Variants in PTPRT observed in about 807,000 individuals in gnomAD.
The protein encoded by PTPRT is receptor-type tyrosine-protein phosphatase T.
PTPRT carries 56 observed loss-of-function variants against 176.8 expected under a neutral mutation model. The observed-to-expected ratio is 0.32, with a 90% confidence interval of 0.26 to 0.40. The LOEUF (loss-of-function observed/expected upper bound fraction) is 0.40. PTPRT is among the 10% of genes least tolerant of loss of function. The pLI is 1.00. For missense variants in PTPRT, 1,540 were observed against 1,908.2 expected (o/e 0.81, Z 3.60); for synonymous variants, 783 against 739.0 (o/e 1.06, Z -0.96).
At chr20:42,215,720 C>A (rs1217138593) in intron 15 of PTPRT, among the ~76,000 whole-genome samples, 2 of 152,218 alleles carry the variant, frequency 1.3e-5, no homozygotes. Context: ...ATCTTGGATT[C>A]TCTGGCTGGA....
At position 42,649,062 on chromosome 20, in the gene PTPRT, G is replaced by A. The variant is rs142142830; in HGVS notation, c.1153+28804C>T. 2.2e-3 allele frequency among the ~76,000 whole-genome samples: 332 copies of A among 151,928 alleles called. 1 individual carries two copies. Among genetic ancestry groups the A allele is most frequent in the African/African-American group, 7.3e-3 (303 of 41,388 alleles). ...TCTCAATCTCATGACCTTGTGATCC[G>A]CCCACCTCGGCCTCCCAAAGTGCTA... On this transcript the variant is annotated intron_variant, in intron 7 of 30. Coordinates refer to ENST00000373187, the MANE Select transcript of PTPRT (RefSeq NM_007050.6).
At chr20:42,433,633 GA>G (rs780624401) in intron 9 of PTPRT, among the ~76,000 whole-genome samples, 8 of 152,138 alleles carry the variant, frequency 5.3e-5, no homozygotes, top group Admixed American at 3.3e-4. Flanking sequence ...TAAGCAAACT[GA>G]AATTCAAGTT....
At chr20:42,769,413 T>C (rs2077030899) in intron 5 of PTPRT, among the ~76,000 whole-genome samples, 1 of 152,196 alleles carries the variant, frequency 6.6e-6, no homozygotes. Flanking sequence ...AAATTAAAAC[T>C]ATAACGTGCT....
chr20:42,877,833 T>C (rs1166426548), intron 2 of PTPRT, among the ~76,000 whole-genome samples: 1 of 152,142 alleles, frequency 6.6e-6, no homozygotes, highest in Non-Finnish European at 1.5e-5. Context: ...TTCGACAATA[T>C]TTCCAACACT....
chr20:42,536,960 T>C (rs984550992), intron 7 of PTPRT, among the ~76,000 whole-genome samples: 2 of 152,148 alleles, frequency 1.3e-5, no homozygotes, highest in African/African-American at 2.4e-5. Context: ...TAAATGTCTA[T>C]TGATGAACTA....
In PTPRT at chr20:42,761,434, C is replaced by CA. The variant is rs200687081; in HGVS notation, c.685-4799dup. Reference sequence around the variant, plus strand: ...GGGCAATAAGAGAGAAATTCCATCTCAAAAAAAAAAAAATAAAACAAATAA... The same window carrying CA: ...GGGCAATAAGAGAGAAATTCCATCTCAAAAAAAAAAAAAATAAAACAAATAA... On this transcript the variant is annotated intron_variant, in intron 5 of 30. Coordinates refer to ENST00000373187, the MANE Select transcript of PTPRT (RefSeq NM_007050.6). 4.2e-3 allele frequency among the ~76,000 whole-genome samples: 577 copies of CA among 137,620 alleles called. 7 individuals are homozygous for CA. The highest frequency in any genetic ancestry group is 0.03 in the East Asian group (143 of 4,700). The allele number at this position is 137,620 out of a possible 152,430, so 90.3% of individuals were successfully genotyped here.
chr20:42,118,230 G>A (rs1381434451), intron 21 of PTPRT, among the ~76,000 whole-genome samples, 173 bp downstream of exon 21: 1 of 152,204 alleles, frequency 6.6e-6, no homozygotes, highest in Non-Finnish European at 1.5e-5. Context: ...AAGGGGATTT[G>A]AAGGGAAAGG....
intron 16 of PTPRT, among the ~76,000 whole-genome samples, chr20:42,176,042 T>C (rs541550808): frequency 2.6e-5 from 4 of 152,270 alleles, no homozygotes; most frequent in Admixed American, 2.0e-4. Context: ...TGAATTACTA[T>C]AGTTATTGAA....
chr20:42,396,764 G>A (rs1433287497), intron 9 of PTPRT, among the ~76,000 whole-genome samples: 4 of 152,126 alleles, frequency 2.6e-5, no homozygotes, highest in Non-Finnish European at 4.4e-5. Context: ...GTTTCACCAT[G>A]TTGGCCAGGC....
chr20:42,626,038 C>T (rs1037526589), intron 7 of PTPRT, among the ~76,000 whole-genome samples: 4 of 151,936 alleles, frequency 2.6e-5, no homozygotes, highest in African/African-American at 9.7e-5. Context: ...TGTCTTGATG[C>T]TAAACACTTT....
chr20:42,683,939 C>G (rs192166096), intron 6 of PTPRT, among the ~76,000 whole-genome samples: 1 of 152,216 alleles, frequency 6.6e-6, no homozygotes, highest in South Asian at 2.1e-4. Flanking sequence ...AATGACTACC[C>G]TAACAGTGAG....
chr20:42,711,507 C>T, intron 6 of PTPRT, among the ~76,000 whole-genome samples: 1 of 152,132 alleles, frequency 6.6e-6, no homozygotes, highest in Admixed American at 6.6e-5. Flanking sequence ...AATGGTTTCC[C>T]TTTGCCTTCC....
At chr20:42,286,741 A>T (rs1469368898) in intron 12 of PTPRT, among the ~76,000 whole-genome samples, 2 of 151,956 alleles carry the variant, frequency 1.3e-5, no homozygotes, top group Admixed American at 6.6e-5. Flanking sequence ...AAAAATAAAC[A>T]AGTGGGATTA....
chr20:43,009,286 G>A (rs1388977835), intron 1 of PTPRT, among the ~76,000 whole-genome samples: 1 of 152,072 alleles, frequency 6.6e-6, no homozygotes, highest in African/African-American at 2.4e-5. Flanking sequence ...CTGACATATC[G>A]TTGCATCCCC....
Position 42,076,760 on chromosome 20 carries a change from C to T in PTPRT, c.*4119G>A, listed in dbSNP as rs542665113. 56 of 201,762 alleles carry T rather than the reference C, an allele frequency of 2.8e-4. No individual in the cohort carries two copies. The highest frequency in any genetic ancestry group is 1.3e-3 in the African/African-American group (55 of 43,500). 12.5% of individuals were successfully genotyped at this position (201,762 alleles called of 1,614,324 possible). A position where few individuals can be genotyped will look rare whatever the true frequency, so the allele number is the denominator to read the frequency against. ...TTTTTTTTTGAAATATTCATAGAGTCATATTAAAACCAACAAGGCTAAATC... is the reference window on the plus strand; with the variant it reads ...TTTTTTTTTGAAATATTCATAGAGTTATATTAAAACCAACAAGGCTAAATC... On this transcript the variant is annotated 3_prime_UTR_variant, in exon 31 of 31. Transcript: ENST00000373187.
chr20:42,854,783 G>C (rs1195939224), intron 2 of PTPRT, among the ~76,000 whole-genome samples: 1 of 152,230 alleles, frequency 6.6e-6, no homozygotes. Context: ...GCCCAGAGCA[G>C]CAGCTGGGCA....
chr20:42,957,144 G>A (rs1009398269), intron 1 of PTPRT, among the ~76,000 whole-genome samples: 1 of 152,010 alleles, frequency 6.6e-6, no homozygotes, highest in Non-Finnish European at 1.5e-5. Flanking sequence ...TGAGCATGCC[G>A]GAACTCCCCA....
chr20:42,507,304 G>A (rs1370151712), intron 7 of PTPRT, among the ~76,000 whole-genome samples: 2 of 152,116 alleles, frequency 1.3e-5, no homozygotes, highest in South Asian at 4.1e-4. Flanking sequence ...CCAAGCTGAT[G>A]AAGCAGATGC....
intron 6 of PTPRT, among the ~76,000 whole-genome samples, chr20:42,711,690 A>G (rs540560645): frequency 2.0e-5 from 3 of 152,238 alleles, no homozygotes; most frequent in Admixed American, 6.5e-5. Context: ...CTTGGATCCC[A>G]TGTATAGAGT....
Sources: allele counts gnomAD v4.1 joint callset (sites outside exome capture counted in the v4.1 genomes callset), GRCh38; gene constraint gnomAD v4.1.1; transcripts MANE v1.5; gene names NCBI Gene and HGNC (gene_info 2026-07-23, HGNC 2026-07-21).